Variants in KIAA1549L observed in about 807,000 individuals in gnomAD.
KIAA1549L encodes UPF0606 protein KIAA1549L.
Under a neutral mutation model 160.7 loss-of-function variants are expected in KIAA1549L, and 88 were observed. The observed-to-expected ratio is 0.55, with a 90% CI of 0.46 to 0.65. The LOEUF (loss-of-function observed/expected upper bound fraction) is 0.65. Ranked by LOEUF, KIAA1549L falls within the 30% of genes least tolerant of loss-of-function variation. The probability of loss-of-function intolerance (pLI) is 0.00; values close to 1 mark genes in which losing one functional copy is unlikely to be tolerated. For missense variants in KIAA1549L, 2,258 were observed against 2,437.5 expected, an observed-to-expected ratio of 0.93 and a Z score of 1.55; for synonymous variants, 950 against 976.7, an observed-to-expected ratio of 0.97 and a Z score of 0.51.
chr11:33,660,511 G>T (rs2133445170), intron 19 of KIAA1549L, among the ~76,000 whole-genome samples: 1 of 152,030 alleles, frequency 6.6e-6, no homozygotes, highest in East Asian at 1.9e-4. Context: ...TTTGCAGTGA[G>T]CCAAGATCGC....
intron 1 of KIAA1549L, among the ~76,000 whole-genome samples, chr11:33,526,741 C>T (rs894396437): frequency 3.3e-5 from 5 of 152,138 alleles, no homozygotes; most frequent in African/African-American, 1.2e-4. Flanking sequence ...GGTAATATGA[C>T]AAGGTTCTAT....
At chr11:33,413,774 G>C (rs1850831046) in intron 1 of KIAA1549L, among the ~76,000 whole-genome samples, 1 of 152,146 alleles carries the variant, frequency 6.6e-6, no homozygotes, top group Non-Finnish European at 1.5e-5. Flanking sequence ...CATGTTAAGA[G>C]GTCTGCATGA....
At chr11:33,409,891 A>G (rs1850753533) in intron 1 of KIAA1549L, among the ~76,000 whole-genome samples, 2 of 151,584 alleles carry the variant, frequency 1.3e-5, no homozygotes, top group Non-Finnish European at 2.9e-5. Context: ...CCTTATACCC[A>G]TCTCAGAGTG....
chr11:33,447,231 C>T (rs1034429243), intron 1 of KIAA1549L, among the ~76,000 whole-genome samples: 6 of 149,364 alleles, frequency 4.0e-5, no homozygotes, highest in Admixed American at 6.6e-5. Context: ...ACACCCTGAA[C>T]GCTTGAAGTA....
intron 1 of KIAA1549L, among the ~76,000 whole-genome samples, chr11:33,422,136 A>G (rs563295298): frequency 6.6e-6 from 1 of 151,778 alleles, no homozygotes; most frequent in Non-Finnish European, 1.5e-5. Context: ...CCCCTTTACT[A>G]CTGATTCTGC....
intron 1 of KIAA1549L, among the ~76,000 whole-genome samples, chr11:33,465,259 A>G (rs1852031574): frequency 6.6e-6 from 1 of 151,836 alleles, no homozygotes; most frequent in Non-Finnish European, 1.5e-5. Context: ...TCACCATGTT[A>G]GCCAGGCTAC....
At chr11:33,464,393 C>G (rs912861526) in intron 1 of KIAA1549L, among the ~76,000 whole-genome samples, 3 of 152,138 alleles carry the variant, frequency 2.0e-5, no homozygotes, top group Non-Finnish European at 2.9e-5. Flanking sequence ...ACTTGAGTCT[C>G]TCGCTTATAT....
At chr11:33,647,728 T>C (rs1026088793) in intron 17 of KIAA1549L, among the ~76,000 whole-genome samples, 3 of 152,150 alleles carry the variant, frequency 2.0e-5, no homozygotes, top group African/African-American at 7.2e-5. Flanking sequence ...AGATCAAGTC[T>C]TCCAACAGGT....
At chr11:33,432,942 A>C (rs751436935) in intron 1 of KIAA1549L, among the ~76,000 whole-genome samples, 2 of 152,238 alleles carry the variant, frequency 1.3e-5, no homozygotes, top group Non-Finnish European at 2.9e-5. Flanking sequence ...CTCAAGATGG[A>C]TTAAACACTT....
At chr11:33,379,699 A>G (rs982309751) in intron 1 of KIAA1549L, among the ~76,000 whole-genome samples, 3 of 152,162 alleles carry the variant, frequency 2.0e-5, no homozygotes, top group African/African-American at 7.2e-5. Context: ...CAGTTCTCTC[A>G]TCTGGAAAAT....
chr11:33,385,671 A>G (rs1347960535), intron 1 of KIAA1549L, among the ~76,000 whole-genome samples: 10 of 151,484 alleles, frequency 6.6e-5, no homozygotes, highest in Non-Finnish European at 1.5e-4. Context: ...GTTAATTTCT[A>G]TTTAAAAAGC....
intron 1 of KIAA1549L, among the ~76,000 whole-genome samples, chr11:33,406,002 C>T (rs1850642669): frequency 6.6e-6 from 1 of 152,094 alleles, no homozygotes; most frequent in African/African-American, 2.4e-5. Context: ...CCAAGTAAGG[C>T]CATTCATTAT....
At chr11:33,512,515 C>T (rs1853250137) in intron 1 of KIAA1549L, among the ~76,000 whole-genome samples, 4 of 152,118 alleles carry the variant, frequency 2.6e-5, no homozygotes, top group Non-Finnish European at 5.9e-5. Context: ...CTTGATCTCC[C>T]AGGCTCAAAT....
chr11:33,593,716 GAGA>G, intron 12 of KIAA1549L, among the ~76,000 whole-genome samples: 1 of 152,204 alleles, frequency 6.6e-6, no homozygotes, highest in East Asian at 1.9e-4. Flanking sequence ...GATACTGGAG[GAGA>G]AGTAGTTTGT....
At position 33,420,322 on chromosome 11, in the gene KIAA1549L, A is replaced by G. The variant is rs138947222; in HGVS notation, c.238+43433A>G. Among the ~76,000 whole-genome samples, 28 of 144,512 alleles carry G rather than the reference A, an allele frequency of 1.9e-4. No homozygotes were observed. The East Asian group carries it at 5.8e-3, about 30-fold the overall frequency. The allele number at this position is 144,512 out of a possible 152,430, so 94.8% of individuals were successfully genotyped here. A position where few individuals can be genotyped will look rare whatever the true frequency, so the allele number is the denominator to read the frequency against. On this transcript the variant is annotated intron_variant, in intron 1 of 20. Coordinates refer to ENST00000658780, the MANE Select transcript of KIAA1549L (RefSeq NM_012194.3). ...TAGCTCGCTGCAACCTCGACCTCTC[A>G]GGCTCAAGCAACCCTCCCACCTCAG...
At chr11:33,602,027 T>C (rs1254723575) in intron 13 of KIAA1549L, among the ~76,000 whole-genome samples, 1 of 152,240 alleles carries the variant, frequency 6.6e-6, no homozygotes, top group African/African-American at 2.4e-5. Flanking sequence ...ATATGTTTAA[T>C]AGGAAAGAGT....
chr11:33,430,879 G>T (rs1231708081), intron 1 of KIAA1549L, among the ~76,000 whole-genome samples: 1 of 152,236 alleles, frequency 6.6e-6, no homozygotes, highest in Non-Finnish European at 1.5e-5. Flanking sequence ...AAGTAGCACT[G>T]TGTCCGGAAT....
At position 33,401,795 on chromosome 11, in the gene KIAA1549L, A is replaced by G. The variant is rs142235933; in HGVS notation, c.238+24906A>G. Among the ~76,000 whole-genome samples the G allele has an allele frequency of 6.4e-4, 97 of 152,308 alleles. 1 individual carries two copies. In the Middle Eastern group the frequency reaches 0.014, roughly 21 times the overall value. On this transcript the variant is annotated intron_variant, in intron 1 of 20. Transcript: ENST00000658780. ...CTCCCAAGGTGCTGGGATTATAGGC[A>G]TGAGCCATGGCGCTCTAGAAAGTTC...
At chr11:33,560,659 A>G (rs1378966563) in intron 7 of KIAA1549L, among the ~76,000 whole-genome samples, 1 of 152,218 alleles carries the variant, frequency 6.6e-6, no homozygotes, top group Non-Finnish European at 1.5e-5. Context: ...AAGGATGGAA[A>G]GGTTTGTACT....
Sources: allele counts gnomAD v4.1 joint callset (sites outside exome capture counted in the v4.1 genomes callset), GRCh38; gene constraint gnomAD v4.1.1; transcripts MANE v1.5; gene names NCBI Gene and HGNC (gene_info 2026-07-23, HGNC 2026-07-21).